The following PPP6R2 variants were observed in gnomAD, a reference collection of about 807,000 sequenced individuals.
PPP6R2 encodes serine/threonine-protein phosphatase 6 regulatory subunit 2.
In PPP6R2, 62 loss-of-function variants were observed where a neutral mutation model predicts 100.2. The observed-to-expected ratio is 0.62, with a 90% CI of 0.50 to 0.76. The LOEUF is 0.76. Among genes scored for constraint, PPP6R2 ranks in the 30% least tolerant of loss-of-function variants. The pLI, the probability that PPP6R2 is intolerant of heterozygous loss-of-function variation, is 0.00. For synonymous variants in PPP6R2, 525 were observed against 514.7 expected, an observed-to-expected ratio of 1.02 and a Z score of -0.27; for missense variants, 1,142 against 1,276.3, an observed-to-expected ratio of 0.89 and a Z score of 1.60.
chr22:50,439,390 C>T (rs2065093678), intron 19 of PPP6R2, among the ~76,000 whole-genome samples: 1 of 152,166 alleles, frequency 6.6e-6, no homozygotes. Context: ...GGTTGCGGTC[C>T]TGGGTAGGAC....
intron 1 of PPP6R2, among the ~76,000 whole-genome samples, chr22:50,369,394 CTT>C (rs1374036390): frequency 2.0e-5 from 3 of 152,130 alleles, no homozygotes; most frequent in Non-Finnish European, 4.4e-5. Flanking sequence ...GTAACACTGA[CTT>C]ATCCCTGGGC....
intron 4 of PPP6R2, among the ~76,000 whole-genome samples, chr22:50,412,962 T>TG (rs1318059873): frequency 6.9e-6 from 1 of 144,152 alleles, no homozygotes; most frequent in African/African-American, 2.6e-5. Context: ...GTCCTTTTTT[T>TG]TTTGTTTTTT....
chr22:50,349,025 C>G (rs1335580980), intron 1 of PPP6R2, among the ~76,000 whole-genome samples: 1 of 151,336 alleles, frequency 6.6e-6, no homozygotes, highest in African/African-American at 2.4e-5. Flanking sequence ...AACTCCATCT[C>G]TACTGAAAAT....
chr22:50,444,244 G>A lies in PPP6R2; in HGVS notation c.2877G>A (p.Val959=), dbSNP rs766062563. 5 of 1,612,914 alleles carry A rather than the reference G, an allele frequency of 3.1e-6. No individual in the cohort carries two copies. Among genetic ancestry groups the A allele is most frequent in the Admixed American group, 1.7e-5 (1 of 59,880 alleles). ...AAGGAGCTGCCTTAAATGGCCCAGTGTGATGCTGCTGCCGCCCGGCCACGG... is the reference window on the plus strand; with the variant it reads ...AAGGAGCTGCCTTAAATGGCCCAGTATGATGCTGCTGCCGCCCGGCCACGG... The part of the protein sequence containing the change: ...PPEGAALNGP[V] Residue 959 remains valine, a synonymous_variant, in exon 24 of 24, where the codon GTG becomes GTA. Transcript: ENST00000612753.
chr22:50,440,759 G>A, intron 21 of PPP6R2, 63 bp from the exon 22 acceptor site: 1 of 1,569,458 alleles, frequency 6.4e-7, no homozygotes, highest in Non-Finnish European at 8.7e-7. Context: ...CCCTATGGCT[G>A]GAGTGGCCGC....
chr22:50,362,448 T>C (rs558699900), intron 1 of PPP6R2, among the ~76,000 whole-genome samples: 2 of 152,248 alleles, frequency 1.3e-5, no homozygotes, highest in Non-Finnish European at 2.9e-5. Context: ...CCTTGGAATG[T>C]GCAGCGACGT....
chr22:50,424,467 G>A (rs1419611235), intron 10 of PPP6R2, among the ~76,000 whole-genome samples: 1 of 148,804 alleles, frequency 6.7e-6, no homozygotes. Flanking sequence ...TCAGCGTGTG[G>A]AAGGTCCGTC....
intron 10 of PPP6R2, among the ~76,000 whole-genome samples, chr22:50,426,847 A>AC (rs887913367): frequency 6.7e-6 from 1 of 149,402 alleles, no homozygotes; most frequent in African/African-American, 2.5e-5. Context: ...AAAAAAAAAA[A>AC]AAAACACCGT....
At chr22:50,390,873 C>T (rs1289621469) in intron 2 of PPP6R2, among the ~76,000 whole-genome samples, 2 of 151,224 alleles carry the variant, frequency 1.3e-5, no homozygotes, top group Non-Finnish European at 2.9e-5. Flanking sequence ...GTGGCACACG[C>T]CTGTAATCCC....
rs2065170121 is a variant in PPP6R2 at position 50,439,712 on chromosome 22, A to G, written c.2140A>G (p.Thr714Ala). 6.2e-7 allele frequency: 1 copy of G among 1,600,052 alleles called. No homozygotes were observed. Among genetic ancestry groups the G allele is most frequent in the African/African-American group, 1.3e-5 (1 of 74,634 alleles). The part of the protein sequence containing the change: ...VEGDSEGAMW[T>A]AVFDEPANST... ...CTCTCCCCCAGCAGGCGCCATGTGG[A>G]CGGCAGTGTTTGATGAGCCAGCGAA... The change falls in exon 20 of 24, where the codon ACG becomes GCG. Residue 714 changes from threonine to alanine, a missense_variant. By Grantham distance (58) the Thr-to-Ala change is moderately conservative. Transcript: ENST00000612753.
At chr22:50,389,127 A>G (rs2054886483) in intron 2 of PPP6R2, 1 of 152,220 alleles carries the variant, frequency 6.6e-6, no homozygotes, top group Non-Finnish European at 1.5e-5. Flanking sequence ...AATCTAGAAG[A>G]TGTTGGTCAT....
intron 3 of PPP6R2, 32 bp downstream of exon 3, chr22:50,394,167 C>T (rs1175414473): frequency 1.2e-6 from 2 of 1,606,190 alleles, no homozygotes; most frequent in African/African-American, 2.7e-5. Context: ...GGCCAGTACG[C>T]CAGGCAGTGC....
intron 1 of PPP6R2, among the ~76,000 whole-genome samples, chr22:50,352,726 A>AACAAAG: frequency 8.6e-6 from 1 of 116,212 alleles, no homozygotes; most frequent in South Asian, 2.7e-4. Flanking sequence ...TCTGTCTCAA[A>AACAAAG]ACAAAAACAA....
At chr22:50,386,864 G>C (rs2054358180) in intron 2 of PPP6R2, among the ~76,000 whole-genome samples, 1 of 152,042 alleles carries the variant, frequency 6.6e-6, no homozygotes, top group South Asian at 2.1e-4. Flanking sequence ...GTACCCAGCT[G>C]ACCTCTATTC....
intron 22 of PPP6R2, among the ~76,000 whole-genome samples, chr22:50,441,745 G>C (rs2065680363): frequency 6.6e-6 from 1 of 152,136 alleles, no homozygotes; most frequent in Admixed American, 6.5e-5. Flanking sequence ...GGCCCCTCCA[G>C]CAAGCTGAAC....
chr22:50,364,637 G>A (rs568537212), intron 1 of PPP6R2, among the ~76,000 whole-genome samples: 1 of 152,302 alleles, frequency 6.6e-6, no homozygotes, highest in East Asian at 1.9e-4. Context: ...GTTGACAAAG[G>A]TAGCTATAGA....
At position 50,438,168 on chromosome 22, in the gene PPP6R2, C is replaced by T. The variant is rs1444265697; in HGVS notation, c.1840-6C>T. The T allele has an allele frequency of 3.1e-6, 5 of 1,608,686 alleles. No homozygotes were observed. The highest frequency in any genetic ancestry group is 4.5e-5 in the East Asian group (2 of 44,874). On this transcript the variant is annotated splice_polypyrimidine_tract_variant and splice_region_variant and intron_variant, in intron 17 of 23. Coordinates refer to ENST00000612753, the MANE Select transcript of PPP6R2 (RefSeq NM_001242898.2). Reference sequence around the variant, plus strand: ...TGGAAACTCACCTTGGCGTTTTACTCTGCAGCCCAGCGCAGCTCTGTTTGA... The same window carrying T: ...TGGAAACTCACCTTGGCGTTTTACTTTGCAGCCCAGCGCAGCTCTGTTTGA...
At chr22:50,433,557 A>T (rs1297896227) in intron 12 of PPP6R2, among the ~76,000 whole-genome samples, 1 of 90,334 alleles carries the variant, frequency 1.1e-5, no homozygotes, top group Non-Finnish European at 2.3e-5. Flanking sequence ...GACGCTGGGC[A>T]GGGGCCGGGC....
At chr22:50,425,689 C>T (rs749018499) in intron 10 of PPP6R2, among the ~76,000 whole-genome samples, 43 of 152,064 alleles carry the variant, frequency 2.8e-4, no homozygotes, top group Non-Finnish European at 5.3e-4. Context: ...TTCTGATGCT[C>T]GTCATCTGAT....
Sources: allele counts gnomAD v4.1 joint callset (sites outside exome capture counted in the v4.1 genomes callset), GRCh38; gene constraint gnomAD v4.1.1; transcripts MANE v1.5; gene names NCBI Gene and HGNC (gene_info 2026-07-23, HGNC 2026-07-21).